SOX6: variants seen among roughly 807,000 people sequenced by gnomAD.
The protein encoded by SOX6 is SRY-box transcription factor 6, also known as transcription factor SOX-6.
SOX6 carries 11 observed loss-of-function variants against 97.8 expected under a neutral mutation model. That is an observed-to-expected ratio of 0.11 (90% CI 0.07 to 0.19). SOX6 has a LOEUF of 0.19. SOX6 is among the 10% of genes least tolerant of loss of function. The probability of loss-of-function intolerance (pLI) is 1.00; values close to 1 mark genes in which losing one functional copy is unlikely to be tolerated. For synonymous variants in SOX6, 360 were observed against 371.4 expected (o/e 0.97, Z 0.35); for missense variants, 810 against 1,039.5 (o/e 0.78, Z 3.04).
chr11:16,008,981 T>C (rs1854636587), intron 13 of SOX6, among the ~76,000 whole-genome samples: 1 of 152,060 alleles, frequency 6.6e-6, no homozygotes, highest in Non-Finnish European at 1.5e-5. Context: ...TCCACAGAGA[T>C]GCTATTGCCT....
chr11:16,285,395 G>A (rs1053989863), intron 3 of SOX6, among the ~76,000 whole-genome samples: 6 of 152,160 alleles, frequency 3.9e-5, no homozygotes, highest in Non-Finnish European at 5.9e-5. Flanking sequence ...TTAGCTGGGC[G>A]TGGTGGCACA....
At chr11:16,599,498 A>G (rs1848245283) in intron 4 of SOX6, among the ~76,000 whole-genome samples, 1 of 152,166 alleles carries the variant, frequency 6.6e-6, no homozygotes, top group Non-Finnish European at 1.5e-5. Flanking sequence ...CTATAAATGG[A>G]AAGAGATAAC....
At chr11:16,505,468 T>G (rs1444189979) in intron 4 of SOX6, among the ~76,000 whole-genome samples, 1 of 152,162 alleles carries the variant, frequency 6.6e-6, no homozygotes, top group Admixed American at 6.6e-5. Context: ...AACTGGAATT[T>G]ATATTTAAAA....
chr11:16,000,847 ATTTATTTTAT>A (rs1854385544), intron 13 of SOX6, among the ~76,000 whole-genome samples: 1 of 151,832 alleles, frequency 6.6e-6, no homozygotes, highest in South Asian at 2.1e-4. Context: ...TTTTATTTTT[ATTTATTTTAT>A]TTTATTTATT....
At chr11:16,706,512 A>G (rs1414005653) in intron 3 of SOX6, among the ~76,000 whole-genome samples, 2 of 94,140 alleles carry the variant, frequency 2.1e-5, no homozygotes, top group Non-Finnish European at 3.9e-5. Flanking sequence ...ATATATATAT[A>G]TATATATATA....
chr11:16,677,189 C>T (rs1847890121), intron 3 of SOX6, among the ~76,000 whole-genome samples: 1 of 152,102 alleles, frequency 6.6e-6, no homozygotes, highest in African/African-American at 2.4e-5. Flanking sequence ...CATGGAAGCA[C>T]CAGACAGGTC....
At chr11:16,095,449 G>A (rs1470452995) in intron 9 of SOX6, among the ~76,000 whole-genome samples, 1 of 151,662 alleles carries the variant, frequency 6.6e-6, no homozygotes, top group Non-Finnish European at 1.5e-5. Context: ...AATCATCCAG[G>A]CCCAGGCACC....
chr11:16,094,068 A>G (rs1221411457), intron 9 of SOX6, among the ~76,000 whole-genome samples: 1 of 151,976 alleles, frequency 6.6e-6, no homozygotes, highest in Non-Finnish European at 1.5e-5. Flanking sequence ...AGCAAGAGTA[A>G]ATAAAAACTG....
chr11:16,697,517 C>T (rs574897603), intron 3 of SOX6, among the ~76,000 whole-genome samples: 1 of 152,178 alleles, frequency 6.6e-6, no homozygotes, highest in African/African-American at 2.4e-5. Flanking sequence ...GCCTGTAATC[C>T]CAGCTACTCA....
intron 6 of SOX6, among the ~76,000 whole-genome samples, chr11:16,119,374 T>G (rs1376067827): frequency 6.6e-6 from 1 of 152,190 alleles, no homozygotes; most frequent in Admixed American, 6.5e-5. Context: ...TTTCCAAAAT[T>G]TTAATACTCT....
chr11:16,421,960 C>T lies in SOX6; in HGVS notation c.-5+54355G>A, dbSNP rs191644035. Among the ~76,000 whole-genome samples the T allele has an allele frequency of 2.5e-3, 383 of 152,308 alleles. 1 individual carries two copies. The highest frequency in any genetic ancestry group is 6.0e-3 in the South Asian group (29 of 4,824). On this transcript the variant is annotated intron_variant, in intron 1 of 15. Coordinates refer to the SOX6 transcript ENST00000396356. ...ATTAACACAGCTTTTGCACATGCCT[C>T]TAACACAATAGATTTCAAACTTTTG...
At chr11:16,639,867 T>C (rs1362061248) in intron 3 of SOX6, among the ~76,000 whole-genome samples, 2 of 152,194 alleles carry the variant, frequency 1.3e-5, no homozygotes, top group Non-Finnish European at 2.9e-5. Context: ...AGGGACAATT[T>C]GACTTCCTCT....
intron 4 of SOX6, among the ~76,000 whole-genome samples, chr11:16,205,326 CA>C: frequency 6.6e-6 from 1 of 152,132 alleles, no homozygotes; most frequent in South Asian, 2.1e-4. Flanking sequence ...TGAAAGACTT[CA>C]ATGCCCATCA....
intron 4 of SOX6, among the ~76,000 whole-genome samples, chr11:16,229,102 A>G (rs1852772142): frequency 6.6e-6 from 1 of 152,098 alleles, no homozygotes; most frequent in East Asian, 1.9e-4. Flanking sequence ...GAATTTTCCA[A>G]TGGCAGTGAT....
chr11:16,251,687 C>T (rs1853515687), intron 3 of SOX6, among the ~76,000 whole-genome samples: 1 of 151,874 alleles, frequency 6.6e-6, no homozygotes, highest in South Asian at 2.1e-4. Flanking sequence ...CAATGTAGTA[C>T]AAACTTGGGA....
intron 4 of SOX6, among the ~76,000 whole-genome samples, chr11:16,532,849 A>T (rs1377305964): frequency 2.0e-5 from 3 of 151,956 alleles, no homozygotes; most frequent in African/African-American, 7.2e-5. Context: ...AAACAAATTT[A>T]CAAAGTGTAA....
At chr11:16,478,193 G>A (rs1217562395), upstream of SOX6, among the ~76,000 whole-genome samples, 4 of 152,166 alleles carry the variant, frequency 2.6e-5, no homozygotes, top group African/African-American at 9.7e-5. Context: ...GAATCCGAAA[G>A]AGTTTTTAGT....
rs183627499 is a variant in SOX6 at position 16,105,145 on chromosome 11, C to A, written c.898+6658G>T. 1.9e-3 allele frequency among the ~76,000 whole-genome samples: 286 copies of A among 151,898 alleles called. 4 individuals carry two copies. Among genetic ancestry groups the A allele is most frequent in the Admixed American group, 0.017 (264 of 15,210 alleles). ...TAAATATAGATATAAAAATCTTCAA[C>A]AAAATATTAGCAAAACAAATCCAAT... On this transcript the variant is annotated intron_variant, in intron 7 of 15. Transcript: ENST00000683767.
intron 3 of SOX6, among the ~76,000 whole-genome samples, chr11:16,298,095 C>T (rs546970262): frequency 1.1e-4 from 16 of 152,194 alleles, no homozygotes; most frequent in East Asian, 7.7e-4. Context: ...AAACCCTTTG[C>T]GTCTTATTTT....
Sources: allele counts gnomAD v4.1 joint callset (sites outside exome capture counted in the v4.1 genomes callset), GRCh38; gene constraint gnomAD v4.1.1; transcripts MANE v1.5; gene names NCBI Gene and HGNC (gene_info 2026-07-23, HGNC 2026-07-21).